Variants in PRKG1 observed in about 807,000 individuals in gnomAD.
PRKG1 encodes cGMP-dependent protein kinase 1.
In PRKG1, 35 loss-of-function variants were observed where a neutral mutation model predicts 88.1. The observed-to-expected ratio is 0.40, with a 90% CI of 0.30 to 0.53. The LOEUF (loss-of-function observed/expected upper bound fraction) is 0.53. Ranked by LOEUF, PRKG1 falls within the 20% of genes least tolerant of loss-of-function variation. The pLI is 0.59. For synonymous variants in PRKG1, 303 were observed against 292.5 expected (o/e 1.04, Z -0.37); for missense variants, 540 against 839.8 (o/e 0.64, Z 4.41).
intron 2 of PRKG1, among the ~76,000 whole-genome samples, chr10:51,374,093 AAT>A (rs58198784): frequency 2.7e-4 from 27 of 100,184 alleles, no homozygotes; most frequent in Admixed American, 3.9e-4. Flanking sequence ...AAAAAAAAAA[AAT>A]ATATATATAT....
chr10:51,444,777 A>AT (rs1839220487), intron 2 of PRKG1, among the ~76,000 whole-genome samples: 4 of 152,078 alleles, frequency 2.6e-5, no homozygotes, highest in African/African-American at 9.6e-5. Flanking sequence ...AGTAACAGCA[A>AT]TTTTGTTTTT....
At chr10:51,553,141 C>T (rs1837184017) in intron 3 of PRKG1, among the ~76,000 whole-genome samples, 1 of 151,630 alleles carries the variant, frequency 6.6e-6, no homozygotes, top group African/African-American at 2.4e-5. Context: ...ATTTTGTTGA[C>T]TCATTCAAAA....
At chr10:51,996,650 T>C (rs1844450748) in intron 5 of PRKG1, among the ~76,000 whole-genome samples, 1 of 152,098 alleles carries the variant, frequency 6.6e-6, no homozygotes, top group African/African-American at 2.4e-5. Context: ...TTGGCAAAGA[T>C]GCATAGAAAA....
chr10:51,515,911 G>A (rs913054), intron 3 of PRKG1, among the ~76,000 whole-genome samples: 145,169 of 152,192 alleles, frequency 0.95, 69,267 homozygotes, highest in East Asian at 1. Context: ...CTAAGGCCCC[G>A]GAGGGTGTGT....
At chr10:51,273,922 T>A (rs1840047945) in intron 2 of PRKG1, among the ~76,000 whole-genome samples, 1 of 152,216 alleles carries the variant, frequency 6.6e-6, no homozygotes, top group Non-Finnish European at 1.5e-5. Context: ...GCAGGTTAGA[T>A]CTACGTTAAA....
intron 9 of PRKG1, among the ~76,000 whole-genome samples, chr10:52,163,981 TC>T (rs1838355867): frequency 6.6e-6 from 1 of 152,156 alleles, no homozygotes; most frequent in Non-Finnish European, 1.5e-5. Context: ...TAACTCTCAA[TC>T]TCAGTTTTCA....
intron 3 of PRKG1, among the ~76,000 whole-genome samples, chr10:51,647,946 G>A (rs549407387): frequency 6.6e-6 from 1 of 151,912 alleles, no homozygotes; most frequent in Non-Finnish European, 1.5e-5. Context: ...TTTCAACCAT[G>A]TTTCCCTTTG....
chr10:51,145,193 T>C (rs1389011441), intron 1 of PRKG1, among the ~76,000 whole-genome samples: 1 of 152,206 alleles, frequency 6.6e-6, no homozygotes, highest in Non-Finnish European at 1.5e-5. Flanking sequence ...ATGATAGGGT[T>C]GCCCAGGGTG....
intron 1 of PRKG1, 23 bp downstream of exon 1, chr10:51,074,924 G>C (rs1224909682): frequency 1.9e-6 from 3 of 1,569,970 alleles, no homozygotes; most frequent in East Asian, 4.6e-5. Flanking sequence ...GACGCGCCGG[G>C]TCCATGTGGC....
chr10:51,139,346 T>C (rs571182068), intron 1 of PRKG1, among the ~76,000 whole-genome samples: 2 of 152,172 alleles, frequency 1.3e-5, no homozygotes, highest in East Asian at 3.8e-4. Context: ...TAGCCAATGA[T>C]TTAAAAGTAA....
intron 2 of PRKG1, among the ~76,000 whole-genome samples, chr10:51,221,833 T>A (rs1737231505): frequency 6.6e-6 from 1 of 151,742 alleles, no homozygotes. Context: ...GAGGAGCATT[T>A]TTCTTCCCCT....
At chr10:51,534,707 CAGATCAT>C (rs1842103316) in intron 3 of PRKG1, among the ~76,000 whole-genome samples, 1 of 151,032 alleles carries the variant, frequency 6.6e-6, no homozygotes, top group African/African-American at 2.4e-5. Context: ...CAGTTCTGCC[CAGATCAT>C]GGTTCATGGT....
At chr10:51,515,758 G>C (rs1390593672) in intron 3 of PRKG1, among the ~76,000 whole-genome samples, 1 of 152,036 alleles carries the variant, frequency 6.6e-6, no homozygotes, top group Non-Finnish European at 1.5e-5. Context: ...TCGCAACAGG[G>C]GTCCCCTGTT....
At chr10:51,010,846 A>G (rs887340156) in intron 1 of PRKG1, among the ~76,000 whole-genome samples, 1 of 152,200 alleles carries the variant, frequency 6.6e-6, no homozygotes, top group African/African-American at 2.4e-5. Context: ...CTCTTTCCTT[A>G]ATTTACATTT....
At chr10:52,200,958 T>G (rs879473886) in intron 9 of PRKG1, among the ~76,000 whole-genome samples, 57 of 152,316 alleles carry the variant, frequency 3.7e-4, no homozygotes, top group Non-Finnish European at 5.3e-4. Context: ...TATTAGCTCT[T>G]TGTTAGATGT....
chr10:51,029,845 GC>G (rs1843257976), intron 1 of PRKG1, among the ~76,000 whole-genome samples: 1 of 152,110 alleles, frequency 6.6e-6, no homozygotes. Context: ...CCAAACCAGG[GC>G]TCCCCTATTT....
intron 4 of PRKG1, among the ~76,000 whole-genome samples, chr10:51,870,916 A>G (rs1841140549): frequency 2.6e-5 from 4 of 152,156 alleles, no homozygotes; most frequent in Admixed American, 2.6e-4. Context: ...CAGCACACAC[A>G]TCAGCCTGAG....
chr10:51,838,891 C>G (rs1328351803), intron 4 of PRKG1, among the ~76,000 whole-genome samples: 1 of 152,118 alleles, frequency 6.6e-6, no homozygotes, highest in Admixed American at 6.6e-5. Context: ...ATTTTTCCAG[C>G]CAAAACTGGG....
At chr10:51,120,454 T>A (rs184322764) in intron 1 of PRKG1, among the ~76,000 whole-genome samples, 76 of 152,182 alleles carry the variant, frequency 5.0e-4, no homozygotes, top group African/African-American at 1.8e-3. Context: ...TATACAATTT[T>A]CTCTCTCTGT....
Sources: gnomAD v4.1 joint callset for allele counts (sites outside exome capture counted in the v4.1 genomes callset) on GRCh38, gnomAD v4.1.1 for gene constraint, MANE v1.5 for transcripts, NCBI Gene and HGNC (gene_info 2026-07-23, HGNC 2026-07-21) for gene names.